The following PURA variants were observed in gnomAD, a reference collection of about 807,000 sequenced individuals.
PURA encodes transcriptional activator protein Pur-alpha.
In PURA, 2 loss-of-function variants were observed where a neutral mutation model predicts 23.1. That is an observed-to-expected ratio of 0.09 (90% confidence interval 0.04 to 0.27). The LOEUF (loss-of-function observed/expected upper bound fraction) is 0.27, where lower values mean the gene tolerates loss of function less well. PURA is among the 10% of genes least tolerant of loss of function. PURA has a pLI of 1.00. For synonymous variants in PURA, 254 were observed against 205.9 expected (o/e 1.23, Z -2.00); for missense variants, 187 against 449.7 (o/e 0.42, Z 5.28).
At position 140,116,059 on chromosome 5, in the gene PURA, A is replaced by G. The variant is rs1482866870; in HGVS notation, c.*909A>G. The G allele has an allele frequency of 1.2e-5, 2 of 167,096 alleles. No homozygotes were observed. Among genetic ancestry groups the G allele is most frequent in the Admixed American group, 6.5e-5 (1 of 15,290 alleles). The allele number at this position is 167,096 out of a possible 1,614,324, so 10.4% of individuals were successfully genotyped here. ...AGAAAGAAAAAGGAGATCTCCCATA[A>G]TATTTTTCTGCATCTGTTTGCTTTG... On this transcript the variant is annotated 3_prime_UTR_variant, in exon 1 of 1. Transcript: ENST00000331327.
In PURA at chr5:140,114,602, C is replaced by A. The variant is rs1413692088; in HGVS notation, c.421C>A (p.Arg141=). The A allele has an allele frequency of 1.9e-6, 3 of 1,606,240 alleles. No homozygotes were observed. The highest frequency in any genetic ancestry group is 1.3e-5 in the African/African-American group (1 of 74,836). Residue 141 remains arginine, a synonymous_variant, in exon 1 of 1, where the codon CGG becomes AGG. Coordinates refer to ENST00000331327, the MANE Select transcript of PURA (RefSeq NM_005859.5). Reference sequence around the variant, plus strand: ...GGCCCAGGCGCAGGACGAGCCGCGCCGGGCGCTCAAAAGCGAGTTCCTGGT... The same window carrying A: ...GGCCCAGGCGCAGGACGAGCCGCGCAGGGCGCTCAAAAGCGAGTTCCTGGT... ...DLAQAQDEPR[R]ALKSEFLVRE...
In PURA at chr5:140,122,501, T is replaced by G. The variant is rs753426893; in HGVS notation, c.*7351T>G. On this transcript the variant is annotated 3_prime_UTR_variant, in exon 1 of 1. Transcript: ENST00000331327. ...CTAACTTGCAATTTTAGGTGTCTTTTTTATTTCTTTTACATTTGCATCCGT... is the reference window on the plus strand; with the variant it reads ...CTAACTTGCAATTTTAGGTGTCTTTGTTATTTCTTTTACATTTGCATCCGT... The G allele has an allele frequency of 1.8e-5, 3 of 166,780 alleles. No individual in the cohort carries two copies. Among genetic ancestry groups the G allele is most frequent in the Admixed American group, 6.6e-5 (1 of 15,254 alleles). 10.3% of individuals were successfully genotyped at this position (166,780 alleles called of 1,614,324 possible). A position where few individuals can be genotyped will look rare whatever the true frequency, so the allele number is the denominator to read the frequency against.
At position 140,119,637 on chromosome 5, in the gene PURA, A is replaced by G. The variant is rs187531203; in HGVS notation, c.*4487A>G. ...ATACTATGTCAACTTTTTTCTTCCT[A>G]TTTTCTTATGTAACTTGACGTTTGG... On this transcript the variant is annotated 3_prime_UTR_variant, in exon 1 of 1. Transcript: ENST00000331327. 561 of 166,454 alleles carry G rather than the reference A, an allele frequency of 3.4e-3. 1 individual carries two copies. The highest frequency in any genetic ancestry group is 5.6e-3 in the Non-Finnish European group (377 of 67,808). 10.3% of individuals were successfully genotyped at this position (166,454 alleles called of 1,614,324 possible).
rs1763034680 is a variant in PURA, at chr5:140,114,205, C to T, written c.24C>T (p.Ser8=). The T allele has an allele frequency of 2.2e-6, 2 of 917,900 alleles. No homozygotes were observed. Among genetic ancestry groups the T allele is most frequent in the Non-Finnish European group, 2.8e-6 (2 of 715,034 alleles). The allele number at this position is 917,900 out of a possible 1,614,324, so 56.9% of individuals were successfully genotyped here. MADRDSG[S]EQGGAALGSG... ...TCATGGCGGACCGAGACAGCGGCAG[C>T]GAGCAGGGTGGTGCGGCGCTGGGTT... Residue 8 remains serine, a synonymous_variant, in exon 1 of 1, where the codon AGC becomes AGT. Coordinates refer to ENST00000331327, the MANE Select transcript of PURA (RefSeq NM_005859.5).
rs886603107 is a variant in PURA, at chr5:140,114,763, G to T, written c.582G>T (p.Gly194=). The change falls in exon 1 of 1, where the codon GGG becomes GGT. Residue 194 remains glycine, a synonymous_variant. Coordinates refer to ENST00000331327, the MANE Select transcript of PURA (RefSeq NM_005859.5). Reference sequence around the variant, plus strand: ...AGACCATTGCGCTGCCCGCGCAGGGGCTCATCGAGTTCCGTGACGCTCTGG... The same window carrying T: ...AGACCATTGCGCTGCCCGCGCAGGGTCTCATCGAGTTCCGTGACGCTCTGG... ...QGQTIALPAQ[G]LIEFRDALAK... The T allele has an allele frequency of 8.7e-6, 14 of 1,612,974 alleles. No individual in the cohort carries two copies. Among genetic ancestry groups the T allele is most frequent in the Non-Finnish European group, 1.2e-5 (14 of 1,179,466 alleles).
At position 140,116,769 on chromosome 5, in the gene PURA, A is replaced by T. The variant is rs1763084805; in HGVS notation, c.*1619A>T. ...GTGAAGAGAAAATGTTATAAAAAAG[A>T]TGCCTTAAACAGTACATTTTGGTTT... On this transcript the variant is annotated 3_prime_UTR_variant, in exon 1 of 1. Transcript: ENST00000331327. 6.1e-6 allele frequency: 1 copy of T among 164,974 alleles called. No individual in the cohort carries two copies. The highest frequency in any genetic ancestry group is 1.9e-4 in the East Asian group (1 of 5,140). The allele number at this position is 164,974 out of a possible 1,614,324, so 10.2% of individuals were successfully genotyped here. A position where few individuals can be genotyped will look rare whatever the true frequency, so the allele number is the denominator to read the frequency against.
rs1358457981 is a variant in PURA at position 140,120,514 on chromosome 5, TAAGAA to T, written c.*5368_*5372del. ...CTTCTTTGCAGATTTTGTGATATAT[TAAGAA>T]AAGCTGATTTTAATATTAATATTTA... On this transcript the variant is annotated 3_prime_UTR_variant, in exon 1 of 1. Coordinates refer to ENST00000331327, the MANE Select transcript of PURA (RefSeq NM_005859.5). The T allele has an allele frequency of 1.8e-5, 3 of 166,640 alleles. No homozygotes were observed. Among genetic ancestry groups the T allele is most frequent in the African/African-American group, 7.2e-5 (3 of 41,434 alleles). The allele number at this position is 166,640 out of a possible 1,614,324, so 10.3% of individuals were successfully genotyped here.
rs979293761 is a variant in PURA at position 140,124,655 on chromosome 5, A to G, written c.*9505A>G. 6.0e-6 allele frequency: 1 copy of G among 166,974 alleles called. No homozygotes were observed. The highest frequency in any genetic ancestry group is 1.5e-5 in the Non-Finnish European group (1 of 68,102). The allele number at this position is 166,974 out of a possible 1,614,324, so 10.3% of individuals were successfully genotyped here. A position where few individuals can be genotyped will look rare whatever the true frequency, so the allele number is the denominator to read the frequency against. On this transcript the variant is annotated 3_prime_UTR_variant, in exon 1 of 1. Coordinates refer to ENST00000331327, the MANE Select transcript of PURA (RefSeq NM_005859.5). ...TTGGGAAATGAAGATTAATAAGTGTATATTTGATTCTAGATAATCCTTTAC... is the reference window on the plus strand; with the variant it reads ...TTGGGAAATGAAGATTAATAAGTGTGTATTTGATTCTAGATAATCCTTTAC...
Position 140,119,192 on chromosome 5 carries a change from A to G in PURA, c.*4042A>G, listed in dbSNP as rs1375243838. On this transcript the variant is annotated 3_prime_UTR_variant, in exon 1 of 1. Transcript: ENST00000331327. ...ATTCTAAAAATGGTGAATATTATTA[A>G]TATTGTATAATAGGAGTGGGAAGAC... is the stretch of plus-strand genomic sequence containing the variant. 1.2e-5 allele frequency: 2 copies of G among 166,922 alleles called. No individual in the cohort carries two copies. Among genetic ancestry groups the G allele is most frequent in the African/African-American group, 4.8e-5 (2 of 41,438 alleles). The allele number at this position is 166,922 out of a possible 1,614,324, so 10.3% of individuals were successfully genotyped here.
At position 140,114,314 on chromosome 5, in the gene PURA, G is replaced by A. The variant is rs1763039211; in HGVS notation, c.133G>A (p.Gly45Ser). The change falls in exon 1 of 1, where the codon GGC (glycine) becomes AGC (serine). Residue 45 changes from glycine (G) to serine (S), a missense_variant. Around this residue, in one of 9 missense-constraint regions of PURA, gnomAD observed 27 missense variants for 55.2 expected, o/e 0.49. Transcript: ENST00000331327. ...CGGCGGGGGCGGCGGCGGCAGTGGC[G>A]GCGGCGGCGGCGGGGCCCCAGGGGG... is the stretch of plus-strand genomic sequence containing the variant. ...GGGGGGGGSG[G>S]GGGGAPGGLQ... The A allele has an allele frequency of 1.5e-6, 2 of 1,316,778 alleles. No individual in the cohort carries two copies. The highest frequency in any genetic ancestry group is 1.9e-6 in the Non-Finnish European group (2 of 1,040,052). 81.6% of individuals were successfully genotyped at this position (1,316,778 alleles called of 1,614,324 possible). A position where few individuals can be genotyped will look rare whatever the true frequency, so the allele number is the denominator to read the frequency against.
chr5:140,120,236 A>G lies in PURA; in HGVS notation c.*5086A>G, dbSNP rs767219839. Reference sequence around the variant, plus strand: ...CACACATACACATATATATGTATATATACATTGTGTGTGTGTATATGTATA... The same window carrying G: ...CACACATACACATATATATGTATATGTACATTGTGTGTGTGTATATGTATA... On this transcript the variant is annotated 3_prime_UTR_variant, in exon 1 of 1. Transcript: ENST00000331327. 1.8e-5 allele frequency: 3 copies of G among 166,852 alleles called. No homozygotes were observed. The highest frequency in any genetic ancestry group is 6.6e-5 in the Admixed American group (1 of 15,260). The allele number at this position is 166,852 out of a possible 1,614,324, so 10.3% of individuals were successfully genotyped here.
Position 140,114,469 on chromosome 5 carries a change from C to T in PURA, c.288C>T (p.Asn96=). 1.9e-6 allele frequency: 3 copies of T among 1,612,698 alleles called. No homozygotes were observed. Among genetic ancestry groups the T allele is most frequent in the East Asian group, 2.2e-5 (1 of 44,824 alleles). Residue 96 remains asparagine, a synonymous_variant, in exon 1 of 1, where the codon AAC becomes AAT. Coordinates refer to ENST00000331327, the MANE Select transcript of PURA (RefSeq NM_005859.5). ...TCGCCGAGGTGGGCGCGGGCGGCAA[C>T]AAGAGCCGCCTTACTCTCTCCATGT... is the stretch of plus-strand genomic sequence containing the variant. ...LKIAEVGAGG[N]KSRLTLSMSV... is the part of the protein sequence containing the mutation.
At position 140,118,565 on chromosome 5, in the gene PURA, CA is replaced by C. The variant is rs1211771943; in HGVS notation, c.*3418del. The C allele has an allele frequency of 6.0e-6, 1 of 166,804 alleles. No homozygotes were observed. Among genetic ancestry groups the C allele is most frequent in the Non-Finnish European group, 1.5e-5 (1 of 68,014 alleles). 10.3% of individuals were successfully genotyped at this position (166,804 alleles called of 1,614,324 possible). On this transcript the variant is annotated 3_prime_UTR_variant, in exon 1 of 1. Transcript: ENST00000331327. The stretch of plus-strand genomic sequence containing the variant: ...AAATCATTATACATGCCTTTGACAA[CA>C]AAGGAAGTTCATAAGAAAAGCCATG...
chr5:140,119,775 C>T lies in PURA; in HGVS notation c.*4625C>T, dbSNP rs1044156656. 13 of 166,762 alleles carry T rather than the reference C, an allele frequency of 7.8e-5. No homozygotes were observed. The highest frequency in any genetic ancestry group is 3.1e-4 in the African/African-American group (13 of 41,382). 10.3% of individuals were successfully genotyped at this position (166,762 alleles called of 1,614,324 possible). Reference sequence around the variant, plus strand: ...ATGACATTTTGGGTTATCTGCTAGACCTGGTGACCCCACCATATGGGCATG... The same window carrying T: ...ATGACATTTTGGGTTATCTGCTAGATCTGGTGACCCCACCATATGGGCATG... On this transcript the variant is annotated 3_prime_UTR_variant, in exon 1 of 1. Coordinates refer to ENST00000331327, the MANE Select transcript of PURA (RefSeq NM_005859.5).
Position 140,123,288 on chromosome 5 carries a change from T to C in PURA, c.*8138T>C, listed in dbSNP as rs1763171754. 1 of 166,960 alleles carries C rather than the reference T, an allele frequency of 6.0e-6. No homozygotes were observed. Among genetic ancestry groups the C allele is most frequent in the African/African-American group, 2.4e-5 (1 of 41,422 alleles). 10.3% of individuals were successfully genotyped at this position (166,960 alleles called of 1,614,324 possible). On this transcript the variant is annotated 3_prime_UTR_variant, in exon 1 of 1. Transcript: ENST00000331327. ...CCTTGAAAGGCTTAAGTCTAGTCAGTGGAGATAAATGATAGCCCATTTCCA... is the reference window on the plus strand; with the variant it reads ...CCTTGAAAGGCTTAAGTCTAGTCAGCGGAGATAAATGATAGCCCATTTCCA...
At position 140,119,855 on chromosome 5, in the gene PURA, A is replaced by T. The variant is rs1763130467; in HGVS notation, c.*4705A>T. The T allele has an allele frequency of 6.0e-6, 1 of 166,502 alleles. No individual in the cohort carries two copies. The highest frequency in any genetic ancestry group is 1.5e-5 in the Non-Finnish European group (1 of 67,900). 10.3% of individuals were successfully genotyped at this position (166,502 alleles called of 1,614,324 possible). A position where few individuals can be genotyped will look rare whatever the true frequency, so the allele number is the denominator to read the frequency against. Reference sequence around the variant, plus strand: ...CTTCTTGTCTACAATATTCCCACTCATTTTTTCAGGTTATATATACACACA... The same window carrying T: ...CTTCTTGTCTACAATATTCCCACTCTTTTTTTCAGGTTATATATACACACA... On this transcript the variant is annotated 3_prime_UTR_variant, in exon 1 of 1. Transcript: ENST00000331327.
rs1205913638 is a variant in PURA, at chr5:140,123,914, T to C, written c.*8764T>C. ...CATGTAGTTTTCCATAATGTTCATA[T>C]AGTTTCCTTATGGTCTAAGTGTTAC... On this transcript the variant is annotated 3_prime_UTR_variant, in exon 1 of 1. Coordinates refer to ENST00000331327, the MANE Select transcript of PURA (RefSeq NM_005859.5). 2 of 167,084 alleles carry C rather than the reference T, an allele frequency of 1.2e-5. No homozygotes were observed. Among genetic ancestry groups the C allele is most frequent in the Non-Finnish European group, 2.9e-5 (2 of 68,104 alleles). The allele number at this position is 167,084 out of a possible 1,614,324, so 10.4% of individuals were successfully genotyped here.
Position 140,116,988 on chromosome 5 carries a change from G to T in PURA, c.*1838G>T. 6.0e-6 allele frequency: 1 copy of T among 167,008 alleles called. No individual in the cohort carries two copies. 10.3% of individuals were successfully genotyped at this position (167,008 alleles called of 1,614,324 possible). A position where few individuals can be genotyped will look rare whatever the true frequency, so the allele number is the denominator to read the frequency against. ...ATATTGTAAAGCATTGGCCTAGGAA[G>T]GCAAACAGTTGTCTTTTTGAAGGAT... On this transcript the variant is annotated 3_prime_UTR_variant, in exon 1 of 1. Coordinates refer to ENST00000331327, the MANE Select transcript of PURA (RefSeq NM_005859.5).
Position 140,114,577 on chromosome 5 carries a change from G to T in PURA, c.396G>T (p.Leu132=). 2.5e-6 allele frequency: 4 copies of T among 1,603,390 alleles called. No individual in the cohort carries two copies. ...AQLGPSQPPD[L]AQAQDEPRRA... is the part of the protein sequence containing the mutation. ...TGGGCCCCAGCCAGCCGCCGGACCT[G>T]GCCCAGGCGCAGGACGAGCCGCGCC... is the stretch of plus-strand genomic sequence containing the variant. The change falls in exon 1 of 1, where the codon CTG becomes CTT. Residue 132 remains leucine, a synonymous_variant. Transcript: ENST00000331327.
Sources: gnomAD v4.1 joint callset for allele counts on GRCh38, gnomAD v4.1.1 for gene constraint, gnomAD v4.1.1 regional missense constraint, MANE v1.5 for transcripts, NCBI Gene and HGNC (gene_info 2026-07-23, HGNC 2026-07-21) for gene names.